The following SNX25 variants were observed in gnomAD, a reference collection of about 807,000 sequenced individuals.
SNX25 encodes the protein sorting nexin 25, also known as sorting nexin-25.
In SNX25, 62 loss-of-function variants were observed where a neutral mutation model predicts 113.7. The ratio of observed to expected loss-of-function variants is 0.55; its 90% confidence interval spans 0.44 to 0.67. The LOEUF is 0.67. Ranked by LOEUF, SNX25 falls within the 30% of genes least tolerant of loss-of-function variation. The pLI, the probability that SNX25 is intolerant of heterozygous loss-of-function variation, is 0.00. For missense variants in SNX25, 1,014 were observed against 1,161.0 expected, an observed-to-expected ratio of 0.87 and a Z score of 1.84; for synonymous variants, 421 against 436.2, an observed-to-expected ratio of 0.97 and a Z score of 0.43.
At chr4:185,245,329 A>G (rs1202957250) in intron 1 of SNX25, among the ~76,000 whole-genome samples, 1 of 151,986 alleles carries the variant, frequency 6.6e-6, no homozygotes, top group Non-Finnish European at 1.5e-5. Context: ...TTAAGAAAAA[A>G]AATGCCAAGC....
chr4:185,240,206 T>C (rs1228506871), intron 1 of SNX25, among the ~76,000 whole-genome samples: 3 of 152,216 alleles, frequency 2.0e-5, no homozygotes, highest in Non-Finnish European at 4.4e-5. Context: ...TTCTCAGTCT[T>C]TTCCCCACCT....
At chr4:185,311,980 G>C (rs1264928953) in intron 7 of SNX25, among the ~76,000 whole-genome samples, 2 of 152,108 alleles carry the variant, frequency 1.3e-5, no homozygotes, top group Non-Finnish European at 2.9e-5. Flanking sequence ...TAAAATTTTT[G>C]AGATACTGGC....
intron 1 of SNX25, among the ~76,000 whole-genome samples, chr4:185,216,964 T>TAGG (rs1738953641): frequency 6.6e-6 from 1 of 152,140 alleles, no homozygotes; most frequent in South Asian, 2.1e-4. Flanking sequence ...AGATGACTCA[T>TAGG]AGGAGCTAGG....
chr4:185,246,675 A>G (rs563079333), intron 1 of SNX25, among the ~76,000 whole-genome samples: 91 of 152,324 alleles, frequency 6.0e-4, no homozygotes, highest in African/African-American at 2.1e-3. Context: ...CGATTGCATC[A>G]TCTTTTGTGA....
chr4:185,329,165 G>A (rs928886558), intron 9 of SNX25, among the ~76,000 whole-genome samples: 31 of 152,126 alleles, frequency 2.0e-4, no homozygotes, highest in African/African-American at 7.0e-4. Context: ...AGTTGTCAAG[G>A]TCCCTGAGAA....
chr4:185,239,858 G>A (rs1431817299), intron 1 of SNX25, among the ~76,000 whole-genome samples: 1 of 148,026 alleles, frequency 6.8e-6, no homozygotes, highest in East Asian at 2.0e-4. Context: ...GTGGAGGGAA[G>A]GTCAGCAGAT....
chr4:185,220,647 A>T (rs2126341295), intron 1 of SNX25, among the ~76,000 whole-genome samples: 1 of 151,794 alleles, frequency 6.6e-6, no homozygotes, highest in East Asian at 1.9e-4. Context: ...CGCCTGGCTA[A>T]ATTTTTGTAT....
At chr4:185,276,233 T>A (rs1172834289) in intron 5 of SNX25, among the ~76,000 whole-genome samples, 1 of 152,154 alleles carries the variant, frequency 6.6e-6, no homozygotes, top group African/African-American at 2.4e-5. Context: ...GGTGAGTCAG[T>A]TTATATAAAG....
At chr4:185,239,287 T>A (rs371457070) in intron 1 of SNX25, among the ~76,000 whole-genome samples, 17 of 151,592 alleles carry the variant, frequency 1.1e-4, no homozygotes, top group Admixed American at 6.6e-5. Flanking sequence ...ATCGAGACCA[T>A]CCTGGCCAAC....
At chr4:185,376,443 C>CTTTTTTTT in the SNX25 span, among the ~76,000 whole-genome samples, 63 of 105,780 alleles carry the variant, frequency 6.0e-4, no homozygotes, top group African/African-American at 1.6e-3. Flanking sequence ...TGCCCAGCTA[C>CTTTTTTTT]TTTTTTTTTT....
intron 4 of SNX25, 41 bp downstream of exon 4, chr4:185,264,651 C>A (rs926162744): frequency 2.5e-6 from 4 of 1,586,396 alleles, no homozygotes; most frequent in Non-Finnish European, 3.5e-6. Context: ...AATAAGTGTG[C>A]AAACTAATGT....
At chr4:185,339,647 C>A in intron 11 of SNX25, 137 bp downstream of exon 11, 1 of 1,149,104 alleles carries the variant, frequency 8.7e-7, no homozygotes. Context: ...TACCTTCCTT[C>A]CCCCACAATT....
At position 185,225,113 on chromosome 4, in the gene SNX25, G is replaced by C. The variant is rs1402817491; in HGVS notation, c.429+14858G>C. Among the ~76,000 whole-genome samples, 5 of 148,116 alleles carry C rather than the reference G, an allele frequency of 3.4e-5. No homozygotes were observed. The East Asian group carries it at 6.0e-4, about 18-fold the overall frequency. On this transcript the variant is annotated intron_variant, in intron 1 of 18. Transcript: ENST00000652585. Reference sequence around the variant, plus strand: ...CAGTAGTTAGATTTTTATATTCTATGTCTTCTTTTTTTTTTTTTTTTTTGA... The same window carrying C: ...CAGTAGTTAGATTTTTATATTCTATCTCTTCTTTTTTTTTTTTTTTTTTGA...
chr4:185,267,220 A>T (rs1748243192), intron 5 of SNX25, 65 bp downstream of exon 5: 1 of 171,524 alleles, frequency 5.8e-6, no homozygotes. Flanking sequence ...TAGTTAGGTT[A>T]AAAAAAAAAA....
rs773990789 is a variant in SNX25, at chr4:185,339,459, T to C, written c.1995T>C (p.Asp665=). The C allele has an allele frequency of 9.2e-5, 149 of 1,613,976 alleles. No individual in the cohort carries two copies. In the Admixed American group the frequency reaches 2.5e-3, roughly 27 times the overall value. The change falls in exon 11 of 19, where the codon GAT becomes GAC. Residue 665 remains aspartate (D), a synonymous_variant. Transcript: ENST00000652585. ...TTCAGCTGCACATGGCAAGAACGGATTGGTGGTGTGAAAACCTTGGCATGT... is the reference window on the plus strand; with the variant it reads ...TTCAGCTGCACATGGCAAGAACGGACTGGTGGTGTGAAAACCTTGGCATGT... ...TDLQLHMART[D]WWCENLGMWK...
At chr4:185,257,915 G>A (rs1746688832) in intron 2 of SNX25, among the ~76,000 whole-genome samples, 2 of 152,150 alleles carry the variant, frequency 1.3e-5, no homozygotes, top group Admixed American at 1.3e-4. Context: ...GTTAGTTGAG[G>A]TCTTGTTAGG....
intron 1 of SNX25, among the ~76,000 whole-genome samples, chr4:185,240,879 G>A (rs1455449855): frequency 6.6e-6 from 1 of 150,958 alleles, no homozygotes; most frequent in East Asian, 2.0e-4. Context: ...CATCCCAGAC[G>A]GGGCGGCAGG....
intron 1 of SNX25, among the ~76,000 whole-genome samples, chr4:185,240,211 C>T (rs1386193265): frequency 6.6e-6 from 1 of 152,120 alleles, no homozygotes. Context: ...AGTCTTTTCC[C>T]CACCTTTCCC....
chr4:185,319,192 C>T, intron 7 of SNX25, among the ~76,000 whole-genome samples: 2 of 100,552 alleles, frequency 2.0e-5, no homozygotes, highest in South Asian at 3.2e-4. Context: ...TTGAGAAAGT[C>T]CTTTTTTTTT....
Sources: gnomAD v4.1 joint callset for allele counts (sites outside exome capture counted in the v4.1 genomes callset) on GRCh38, gnomAD v4.1.1 for gene constraint, MANE v1.5 for transcripts, NCBI Gene and HGNC (gene_info 2026-07-23, HGNC 2026-07-21) for gene names.